The following SLC35F4 variants were observed in gnomAD, a reference collection of about 807,000 sequenced individuals.
SLC35F4 encodes the protein solute carrier family 35 member F4, also known as chromosome 14 open reading frame 36.
A neutral mutation model predicts 44.2 loss-of-function variants in SLC35F4; 24 were observed. That is an observed-to-expected ratio of 0.54 (90% confidence interval 0.39 to 0.76). The LOEUF is 0.76. Ranked by LOEUF, SLC35F4 falls within the 30% of genes least tolerant of loss-of-function variation. SLC35F4 has a pLI of 0.00. For missense variants in SLC35F4, 562 were observed against 586.1 expected, an observed-to-expected ratio of 0.96 and a Z score of 0.42; for synonymous variants, 238 against 223.6, an observed-to-expected ratio of 1.06 and a Z score of -0.57.
intron 1 of SLC35F4, among the ~76,000 whole-genome samples, chr14:57,597,548 T>C (rs553116755): frequency 1.3e-5 from 2 of 152,346 alleles, no homozygotes; most frequent in Admixed American, 1.3e-4. Context: ...TGCAGACATG[T>C]AACCAATTAG....
chr14:57,601,803 C>G (rs1388425372), intron 1 of SLC35F4, among the ~76,000 whole-genome samples: 1 of 152,156 alleles, frequency 6.6e-6, no homozygotes, highest in African/African-American at 2.4e-5. Flanking sequence ...TTAGCACCTA[C>G]TATGCACAAA....
rs563407217 is a variant in SLC35F4 at position 57,963,054 on chromosome 14, A to G, written n.282+18859T>C. Among the ~76,000 whole-genome samples the G allele has an allele frequency of 9.8e-5, 15 of 152,322 alleles. 1 individual carries two copies. The South Asian group carries it at 2.9e-3, about 29-fold the overall frequency. The stretch of plus-strand genomic sequence containing the variant: ...GTAACCCAGGTTGCAAGTGTCAAAA[A>G]TGAGAACAGGAGGGAGTTGCTCAAA... On this transcript the variant is annotated intron_variant and non_coding_transcript_variant, in intron 1 of 1. Transcript: ENST00000556568.
At chr14:57,893,970 T>A (rs1888823706) in intron 1 of SLC35F4, among the ~76,000 whole-genome samples, 1 of 152,176 alleles carries the variant, frequency 6.6e-6, no homozygotes, top group Non-Finnish European at 1.5e-5. Flanking sequence ...TAAATTCAGA[T>A]AACTGAACAC....
intron 4 of SLC35F4, among the ~76,000 whole-genome samples, chr14:57,573,055 C>T (rs986397887): frequency 2.0e-5 from 3 of 152,064 alleles, no homozygotes; most frequent in African/African-American, 7.2e-5. Context: ...TCTGAGTATT[C>T]CCAGTAAAGA....
intron 1 of SLC35F4, among the ~76,000 whole-genome samples, chr14:57,684,608 A>C (rs995362571): frequency 1.3e-5 from 2 of 152,196 alleles, no homozygotes; most frequent in Admixed American, 1.3e-4. Context: ...GAACAGTACC[A>C]GTGTGCAGCC....
chr14:57,713,425 C>T (rs1277059634), intron 1 of SLC35F4, among the ~76,000 whole-genome samples: 1 of 152,148 alleles, frequency 6.6e-6, no homozygotes, highest in African/African-American at 2.4e-5. Context: ...TTCCCCTCCC[C>T]TATCCCATAC....
At chr14:57,663,505 C>T (rs2074206107) in intron 1 of SLC35F4, among the ~76,000 whole-genome samples, 1 of 152,284 alleles carries the variant, frequency 6.6e-6, no homozygotes, top group Non-Finnish European at 1.5e-5. Context: ...TCAGCAGCCT[C>T]TGGAAGCACC....
At chr14:57,848,042 C>A (rs115241780) in intron 1 of SLC35F4, among the ~76,000 whole-genome samples, 167 of 152,188 alleles carry the variant, frequency 1.1e-3, no homozygotes, top group African/African-American at 3.8e-3. Context: ...TTTTAGGAGC[C>A]AGAAAGTAGT....
chr14:57,611,866 C>T (rs2071530747), intron 1 of SLC35F4, among the ~76,000 whole-genome samples: 1 of 152,124 alleles, frequency 6.6e-6, no homozygotes, highest in Non-Finnish European at 1.5e-5. Flanking sequence ...CCTGGCCTCC[C>T]TCCCACTGTA....
At chr14:57,633,463 A>G (rs1384514235) in intron 1 of SLC35F4, among the ~76,000 whole-genome samples, 1 of 152,134 alleles carries the variant, frequency 6.6e-6, no homozygotes, top group African/African-American at 2.4e-5. Flanking sequence ...TGTAATTGGT[A>G]TTTCCCTGAT....
At chr14:57,575,957 T>C (rs1594905865) in intron 4 of SLC35F4, among the ~76,000 whole-genome samples, 1 of 152,190 alleles carries the variant, frequency 6.6e-6, no homozygotes, top group Non-Finnish European at 1.5e-5. Context: ...AAGAAATATC[T>C]GGCTTTTGGC....
At chr14:57,604,892 C>G (rs2071056313) in intron 1 of SLC35F4, among the ~76,000 whole-genome samples, 1 of 152,128 alleles carries the variant, frequency 6.6e-6, no homozygotes, top group Non-Finnish European at 1.5e-5. Flanking sequence ...GCTAGAATAA[C>G]TGGCTATCCA....
chr14:57,929,746 G>A (rs1252020475), intron 1 of SLC35F4, among the ~76,000 whole-genome samples: 1 of 152,126 alleles, frequency 6.6e-6, no homozygotes, highest in Non-Finnish European at 1.5e-5. Flanking sequence ...AAAGCCGCAT[G>A]TTATAAAATG....
chr14:57,966,545 A>T (rs1260108735), intron 1 of SLC35F4, among the ~76,000 whole-genome samples: 1 of 152,218 alleles, frequency 6.6e-6, no homozygotes, highest in Non-Finnish European at 1.5e-5. Flanking sequence ...AAAGGAATAT[A>T]ATATTATATC....
chr14:57,873,492 TG>T (rs1226915219), intron 1 of SLC35F4, among the ~76,000 whole-genome samples: 38 of 152,342 alleles, frequency 2.5e-4, no homozygotes. Flanking sequence ...ATTAAAATTA[TG>T]GCTATTGCTA....
In SLC35F4 at chr14:57,589,047, A is replaced by G. The variant is rs1216895016; in HGVS notation, c.587+169T>C. ...TGCCTGGCATGTTATAGACACATTT[A>G]TATTTTTAAGGGAGGACTGATTCTG... On this transcript the variant is annotated intron_variant, in intron 3 of 7. Transcript: ENST00000556826. 2.0e-5 allele frequency among the ~76,000 whole-genome samples: 3 copies of G among 152,216 alleles called. 1 individual carries two copies. Among genetic ancestry groups the G allele is most frequent in the African/African-American group, 7.2e-5 (3 of 41,450 alleles).
intron 1 of SLC35F4, among the ~76,000 whole-genome samples, chr14:57,735,156 C>T (rs977917604): frequency 1.3e-5 from 2 of 152,094 alleles, no homozygotes; most frequent in African/African-American, 2.4e-5. Flanking sequence ...TTAGGGTATT[C>T]GTGACTTAGT....
intron 1 of SLC35F4, among the ~76,000 whole-genome samples, chr14:57,916,713 T>C (rs1411036580): frequency 6.6e-6 from 1 of 152,214 alleles, no homozygotes; most frequent in African/African-American, 2.4e-5. Flanking sequence ...TGGAATTGGG[T>C]ACTAGGCTCA....
At chr14:57,957,433 A>G (rs939118225) in intron 1 of SLC35F4, among the ~76,000 whole-genome samples, 1 of 110,036 alleles carries the variant, frequency 9.1e-6, no homozygotes, top group African/African-American at 4.4e-5. Context: ...AACTTAAAGT[A>G]CAAAAAAAAA....
Sources: gnomAD v4.1 joint callset for allele counts (sites outside exome capture counted in the v4.1 genomes callset) on GRCh38, gnomAD v4.1.1 for gene constraint, MANE v1.5 for transcripts, NCBI Gene and HGNC (gene_info 2026-07-23, HGNC 2026-07-21) for gene names.